The following GOT1 variants were observed in gnomAD, a reference collection of about 807,000 sequenced individuals.
GOT1 encodes aspartate aminotransferase, cytoplasmic.
Under a neutral mutation model 48.2 loss-of-function variants are expected in GOT1, and 25 were observed. That is an observed-to-expected ratio of 0.52 (90% CI 0.38 to 0.72). The LOEUF (loss-of-function observed/expected upper bound fraction) is 0.72. GOT1 is among the 30% of genes least tolerant of loss of function. GOT1 has a pLI of 0.00. For synonymous variants in GOT1, 188 were observed against 193.8 expected, an observed-to-expected ratio of 0.97 and a Z score of 0.25; for missense variants, 380 against 520.1, an observed-to-expected ratio of 0.73 and a Z score of 2.62.
chr10:99,423,397 A>G (rs141748720), intron 1 of GOT1, among the ~76,000 whole-genome samples: 60 of 152,336 alleles, frequency 3.9e-4, no homozygotes, highest in African/African-American at 1.4e-3. Context: ...AAAAATATCT[A>G]AATGTTAATT....
chr10:99,422,189 C>T (rs2032978972), intron 1 of GOT1, among the ~76,000 whole-genome samples: 1 of 152,142 alleles, frequency 6.6e-6, no homozygotes, highest in South Asian at 2.1e-4. Flanking sequence ...AAGTGTATAG[C>T]ACCTCCCGCT....
At chr10:99,412,435 G>A (rs1564971710) in intron 2 of GOT1, among the ~76,000 whole-genome samples, 1 of 151,766 alleles carries the variant, frequency 6.6e-6, no homozygotes, top group Non-Finnish European at 1.5e-5. Context: ...ACAGGGAAGA[G>A]ACTAGAGGCA....
intron 2 of GOT1, among the ~76,000 whole-genome samples, chr10:99,417,854 A>G (rs1459445523): frequency 6.6e-6 from 1 of 152,156 alleles, no homozygotes; most frequent in Non-Finnish European, 1.5e-5. Context: ...TTGAACAATG[A>G]GAACACTTGG....
At chr10:99,417,383 C>T (rs1425789572) in intron 2 of GOT1, among the ~76,000 whole-genome samples, 11 of 152,102 alleles carry the variant, frequency 7.2e-5, no homozygotes, top group Admixed American at 2.6e-4. Flanking sequence ...CAATGAGATA[C>T]CATCTCACAC....
chr10:99,406,384 T>A, intron 3 of GOT1, 135 bp from the exon 4 acceptor site: 1 of 672,714 alleles, frequency 1.5e-6, no homozygotes, highest in Non-Finnish European at 2.6e-6. Flanking sequence ...GGTTAAGATG[T>A]AGAGGAATGA....
intron 1 of GOT1, 173 bp downstream of exon 1, chr10:99,430,275 A>G (rs1429373488): frequency 5.8e-6 from 9 of 1,547,434 alleles, no homozygotes; most frequent in Non-Finnish European, 6.9e-6. Context: ...CCACACCTGC[A>G]TCTGTAAAAT....
chr10:99,409,731 G>A (rs544610152), intron 2 of GOT1, among the ~76,000 whole-genome samples: 53 of 152,232 alleles, frequency 3.5e-4, no homozygotes, highest in African/African-American at 1.2e-3. Context: ...AGAAAAGCTT[G>A]GCTATTCCTG....
intron 2 of GOT1, among the ~76,000 whole-genome samples, chr10:99,407,391 G>A (rs923426518): frequency 3.3e-5 from 5 of 151,876 alleles, no homozygotes; most frequent in Admixed American, 3.3e-4. Flanking sequence ...CAAAACAGAG[G>A]TGATGCATGA....
At chr10:99,414,098 C>G (rs1325500854) in intron 2 of GOT1, among the ~76,000 whole-genome samples, 1 of 152,058 alleles carries the variant, frequency 6.6e-6, no homozygotes, top group Non-Finnish European at 1.5e-5. Flanking sequence ...CAATATTAAC[C>G]TTAAATGTAA....
intron 2 of GOT1, among the ~76,000 whole-genome samples, chr10:99,413,698 G>T (rs1418317580): frequency 6.6e-6 from 1 of 152,102 alleles, no homozygotes; most frequent in African/African-American, 2.4e-5. Context: ...AAGAAAGGTC[G>T]GGTTACCCAC....
At chr10:99,429,583 G>C (rs1216240428) in intron 1 of GOT1, among the ~76,000 whole-genome samples, 1 of 152,116 alleles carries the variant, frequency 6.6e-6, no homozygotes, top group Non-Finnish European at 1.5e-5. Flanking sequence ...GAGAAAATAA[G>C]TGTCTGTGGG....
chr10:99,407,881 T>A (rs1235733829), intron 2 of GOT1, among the ~76,000 whole-genome samples: 1 of 151,966 alleles, frequency 6.6e-6, no homozygotes, highest in Non-Finnish European at 1.5e-5. Context: ...GCCATGGTGG[T>A]TTGTGGCACC....
At chr10:99,408,959 GGGCAGGGA>G (rs370544644) in intron 2 of GOT1, among the ~76,000 whole-genome samples, 1 of 152,052 alleles carries the variant, frequency 6.6e-6, no homozygotes, top group Non-Finnish European at 1.5e-5. Flanking sequence ...CTTTCGTGGA[GGGCAGGGA>G]GGCAGGGAGG....
At chr10:99,413,583 C>T (rs1231915590) in intron 2 of GOT1, among the ~76,000 whole-genome samples, 1 of 152,108 alleles carries the variant, frequency 6.6e-6, no homozygotes, top group Non-Finnish European at 1.5e-5. Flanking sequence ...TCAGGAAATA[C>T]AGAGAATGCC....
At chr10:99,403,693 T>C in intron 6 of GOT1, 31 bp downstream of exon 6, 1 of 1,613,690 alleles carries the variant, frequency 6.2e-7, no homozygotes, top group African/African-American at 1.3e-5. Flanking sequence ...TGCGAGGAGG[T>C]GGGGCTGTAA....
intron 2 of GOT1, among the ~76,000 whole-genome samples, chr10:99,417,474 T>G (rs2032910631): frequency 6.6e-6 from 1 of 152,220 alleles, no homozygotes; most frequent in Non-Finnish European, 1.5e-5. Flanking sequence ...ACTTTTACAC[T>G]GTTGGTGGGA....
chr10:99,415,017 T>A (rs901076314), intron 2 of GOT1, among the ~76,000 whole-genome samples: 1 of 151,472 alleles, frequency 6.6e-6, no homozygotes, highest in Admixed American at 6.6e-5. Flanking sequence ...CACCCTAACA[T>A]CACAATTAAA....
intron 5 of GOT1, 80 bp downstream of exon 5, chr10:99,405,676 C>T: frequency 2.7e-6 from 2 of 740,462 alleles, no homozygotes; most frequent in Non-Finnish European, 4.9e-6. Flanking sequence ...CCTCAGCAAA[C>T]AGCAAACAGG....
rs746191161 is a variant in GOT1 at position 99,420,730 on chromosome 10, T to C, written c.194A>G (p.Asn65Ser). 5.0e-6 allele frequency: 8 copies of C among 1,613,730 alleles called. No individual in the cohort carries two copies. The Admixed American group carries it at 1.2e-4, about 24-fold the overall frequency. The change falls in exon 2 of 9, where the codon AAT becomes AGT. Residue 65 changes from asparagine (N) to serine (S), a missense_variant. Asn to Ser is a conservative substitution (Grantham distance 46, BLOSUM62 1). Coordinates refer to ENST00000370508, the MANE Select transcript of GOT1 (RefSeq NM_002079.3). Reference sequence around the variant, plus strand: ...TGGCAGATACTCGTGATTTAGGCTATTGTCATTAGCAATCTTCTGCTCCAC... The same window carrying C: ...TGGCAGATACTCGTGATTTAGGCTACTGTCATTAGCAATCTTCTGCTCCAC... ...KKVEQKIAND[N>S]SLNHEYLPIL...
Sources: allele counts gnomAD v4.1 joint callset (sites outside exome capture counted in the v4.1 genomes callset), GRCh38; gene constraint gnomAD v4.1.1; transcripts MANE v1.5; gene names NCBI Gene and HGNC (gene_info 2026-07-23, HGNC 2026-07-21).